The following HECW1 variants were observed in gnomAD, a reference collection of about 807,000 sequenced individuals.
HECW1 encodes the protein HECT, C2 and WW domain containing E3 ubiquitin protein ligase 1, also known as E3 ubiquitin-protein ligase HECW1.
HECW1 carries 61 observed loss-of-function variants against 182.3 expected under a neutral mutation model. That is an observed-to-expected ratio of 0.33 (90% confidence interval 0.27 to 0.41). HECW1 has a LOEUF of 0.41. HECW1 is among the 10% of genes least tolerant of loss of function. The pLI is 1.00. For missense variants in HECW1, 1,739 were observed against 2,108.9 expected, an observed-to-expected ratio of 0.82 and a Z score of 3.44; for synonymous variants, 859 against 832.6, an observed-to-expected ratio of 1.03 and a Z score of -0.55.
intron 19 of HECW1, among the ~76,000 whole-genome samples, chr7:43,497,064 A>C (rs1374599557): frequency 1.3e-5 from 2 of 152,202 alleles, no homozygotes; most frequent in Non-Finnish European, 2.9e-5. Flanking sequence ...GCCATGAAGA[A>C]CATGATTAGA....
chr7:43,419,786 G>A (rs2076123727), intron 8 of HECW1, among the ~76,000 whole-genome samples: 1 of 152,202 alleles, frequency 6.6e-6, no homozygotes, highest in South Asian at 2.1e-4. Context: ...CAGCAAGGCT[G>A]TTTTTACTTT....
intron 28 of HECW1, among the ~76,000 whole-genome samples, chr7:43,552,922 G>C (rs572363573): frequency 1.3e-5 from 2 of 152,112 alleles, no homozygotes; most frequent in Non-Finnish European, 2.9e-5. Context: ...CATATTGGTC[G>C]AGTCTCTGGC....
chr7:43,274,727 G>A (rs1714687961), intron 3 of HECW1: 1 of 251,092 alleles, frequency 4.0e-6, no homozygotes, highest in Non-Finnish European at 7.9e-6. Flanking sequence ...TCCATTTATT[G>A]TTTTTATTTG....
chr7:43,263,815 A>G (rs1421142947), intron 3 of HECW1, among the ~76,000 whole-genome samples: 1 of 152,148 alleles, frequency 6.6e-6, no homozygotes, highest in Non-Finnish European at 1.5e-5. Context: ...GATTTGTTGT[A>G]TTCTTTCTAG....
intron 5 of HECW1, among the ~76,000 whole-genome samples, chr7:43,331,485 C>T (rs1054864598): frequency 2.0e-5 from 3 of 151,424 alleles, no homozygotes; most frequent in Non-Finnish European, 4.4e-5. Flanking sequence ...CCCAGCTACT[C>T]GGGAGGCTGA....
intron 4 of HECW1, among the ~76,000 whole-genome samples, chr7:43,316,000 A>G (rs1809198867): frequency 2.0e-5 from 3 of 152,146 alleles, no homozygotes; most frequent in Non-Finnish European, 4.4e-5. Flanking sequence ...CACTCTTAAC[A>G]GCAATAGCAT....
At chr7:43,550,747 G>A (rs150326219) in intron 27 of HECW1, among the ~76,000 whole-genome samples, 156 bp downstream of exon 27, 19 of 152,328 alleles carry the variant, frequency 1.2e-4, no homozygotes, top group African/African-American at 4.6e-4. Context: ...CTCCTCACCA[G>A]GGAGTACTGA....
rs559024477 is a variant in HECW1, at chr7:43,352,036, A to T, written c.461-8850A>T. ...CCCCTTAACCCGGCAAACCTGTCAA[A>T]TATTCTTTTCAGCTTCTCAGCCTCT... On this transcript the variant is annotated intron_variant, in intron 5 of 29. Transcript: ENST00000395891. Among the ~76,000 whole-genome samples the T allele has an allele frequency of 2.0e-5, 3 of 152,336 alleles. No individual in the cohort carries two copies. The South Asian group carries it at 6.2e-4, about 32-fold the overall frequency.
At chr7:43,246,010 C>A (rs964740133) in intron 3 of HECW1, among the ~76,000 whole-genome samples, 16 of 152,140 alleles carry the variant, frequency 1.1e-4, no homozygotes, top group Admixed American at 7.9e-4. Flanking sequence ...TGAAATGAGT[C>A]TGCAGCACTA....
At chr7:43,220,686 T>A (rs187877971) in intron 2 of HECW1, among the ~76,000 whole-genome samples, 1 of 152,306 alleles carries the variant, frequency 6.6e-6, no homozygotes, top group East Asian at 1.9e-4. Context: ...GACACAGGAA[T>A]CCTAATCATT....
chr7:43,224,797 G>A (rs1797280214), intron 2 of HECW1, among the ~76,000 whole-genome samples: 1 of 152,208 alleles, frequency 6.6e-6, no homozygotes, highest in African/African-American at 2.4e-5. Flanking sequence ...ATAGAGTAAG[G>A]CCTTGTCTCA....
intron 24 of HECW1, among the ~76,000 whole-genome samples, chr7:43,526,816 C>T (rs970318106): frequency 6.6e-6 from 1 of 152,140 alleles, no homozygotes; most frequent in Non-Finnish European, 1.5e-5. Flanking sequence ...CCCTGGGCAA[C>T]ATAGCAAGAC....
intron 2 of HECW1, among the ~76,000 whole-genome samples, chr7:43,197,210 A>G (rs542131929): frequency 1.7e-4 from 26 of 151,350 alleles, no homozygotes; most frequent in Admixed American, 2.6e-4. Flanking sequence ...AAAGATGAGG[A>G]AAAAAAAAGG....
intron 3 of HECW1, among the ~76,000 whole-genome samples, chr7:43,275,092 G>C (rs895116507): frequency 2.6e-5 from 4 of 151,984 alleles, no homozygotes; most frequent in South Asian, 4.2e-4. Flanking sequence ...CTCAGAAATT[G>C]GTGCAAGGAA....
At chr7:43,237,684 G>GGAGAC (rs1798500856) in intron 2 of HECW1, among the ~76,000 whole-genome samples, 1 of 152,152 alleles carries the variant, frequency 6.6e-6, no homozygotes, top group African/African-American at 2.4e-5. Context: ...CAGCTATGTG[G>GGAGAC]GAGACAGTCA....
intron 2 of HECW1, among the ~76,000 whole-genome samples, chr7:43,131,940 A>G (rs942223673): frequency 2.0e-5 from 3 of 151,958 alleles, no homozygotes; most frequent in Admixed American, 6.6e-5. Flanking sequence ...CATGCTGAGG[A>G]CTCCACATGG....
chr7:43,117,432 G>A (rs947644015), intron 2 of HECW1, among the ~76,000 whole-genome samples: 3 of 64,262 alleles, frequency 4.7e-5, no homozygotes, highest in African/African-American at 1.2e-4. Flanking sequence ...CCCCCCACCC[G>A]CCCCACCAAA....
At chr7:43,480,624 C>CGT (rs758770664) in intron 17 of HECW1, among the ~76,000 whole-genome samples, 14 of 145,728 alleles carry the variant, frequency 9.6e-5, no homozygotes, top group South Asian at 2.2e-4. Flanking sequence ...TGTGTGTGTG[C>CGT]GTGTGTGTGT....
At chr7:43,282,006 C>T (rs1803983364) in intron 3 of HECW1, among the ~76,000 whole-genome samples, 1 of 152,150 alleles carries the variant, frequency 6.6e-6, no homozygotes, top group African/African-American at 2.4e-5. Flanking sequence ...GTTTCCTTTC[C>T]AGCTGTCATA....
Sources: allele counts gnomAD v4.1 joint callset (sites outside exome capture counted in the v4.1 genomes callset), GRCh38; gene constraint gnomAD v4.1.1; transcripts MANE v1.5; gene names NCBI Gene and HGNC (gene_info 2026-07-23, HGNC 2026-07-21).